The following GPC5 variants were observed in gnomAD, a reference collection of about 807,000 sequenced individuals.
GPC5 encodes the protein glypican-5.
In GPC5, 47 loss-of-function variants were observed where a neutral mutation model predicts 53.9. The ratio of observed to expected loss-of-function variants is 0.87; its 90% CI spans 0.69 to 1.11. GPC5 has a LOEUF of 1.11. Ranked by LOEUF, GPC5 falls within the 50% of genes most tolerant of loss-of-function variation. The pLI, the probability that GPC5 is intolerant of heterozygous loss-of-function variation, is 0.00. For synonymous variants in GPC5, 286 were observed against 263.3 expected, an observed-to-expected ratio of 1.09 and a Z score of -0.84; for missense variants, 748 against 713.1, an observed-to-expected ratio of 1.05 and a Z score of -0.56.
intron 6 of GPC5, among the ~76,000 whole-genome samples, chr13:91,917,582 C>T (rs1028091535): frequency 3.5e-4 from 54 of 152,202 alleles, no homozygotes; most frequent in Admixed American, 2.8e-3. Flanking sequence ...CCCTTCTGCA[C>T]TTTTCTGCTC....
chr13:91,871,949 C>T (rs1383141855), intron 5 of GPC5, among the ~76,000 whole-genome samples: 2 of 151,872 alleles, frequency 1.3e-5, no homozygotes, highest in South Asian at 2.1e-4. Context: ...CATAGGTCAC[C>T]GAAGGCAAAA....
chr13:91,601,961 G>A (rs2033194638), intron 2 of GPC5, among the ~76,000 whole-genome samples: 1 of 152,124 alleles, frequency 6.6e-6, no homozygotes, highest in Admixed American at 6.5e-5. Context: ...AGGGTGGCTG[G>A]GAAATGTATT....
intron 7 of GPC5, among the ~76,000 whole-genome samples, chr13:92,471,974 T>C (rs1878930904): frequency 6.6e-6 from 1 of 152,180 alleles, no homozygotes; most frequent in Admixed American, 6.6e-5. Context: ...TTAATCATTG[T>C]GTTCCTTTGG....
intron 7 of GPC5, among the ~76,000 whole-genome samples, chr13:92,684,010 A>C (rs1251975443): frequency 2.0e-5 from 3 of 152,136 alleles, no homozygotes; most frequent in African/African-American, 7.2e-5. Context: ...CCATCATGAC[A>C]ATATTACACA....
rs1212373882 is a variant in GPC5, at chr13:92,150,734, C to T, written c.1561+5745C>T. On this transcript the variant is annotated intron_variant, in intron 7 of 7. Transcript: ENST00000377067. ...AAGAGGGATGACTTATTAATTAAGG[C>T]TTAGAGGAGCCCTCCTAGCTTGCAT... 2.0e-5 allele frequency among the ~76,000 whole-genome samples: 3 copies of T among 151,926 alleles called. No individual in the cohort carries two copies. In the East Asian group the frequency reaches 5.8e-4, roughly 29 times the overall value.
intron 2 of GPC5, among the ~76,000 whole-genome samples, chr13:91,647,251 C>T (rs1191178136): frequency 6.6e-6 from 1 of 152,070 alleles, no homozygotes; most frequent in Non-Finnish European, 1.5e-5. Flanking sequence ...ATGCTGATTG[C>T]TTCATGGAAA....
chr13:91,535,929 TTAAA>T (rs763174105), intron 2 of GPC5, among the ~76,000 whole-genome samples: 25 of 152,328 alleles, frequency 1.6e-4, no homozygotes, highest in East Asian at 1.2e-3. Context: ...CATTGACATC[TTAAA>T]TAAATAGCTA....
chr13:91,878,092 G>A (rs2039224387), intron 5 of GPC5, among the ~76,000 whole-genome samples: 1 of 152,092 alleles, frequency 6.6e-6, no homozygotes. Context: ...AACTTCTTTT[G>A]CTTCCCAGTC....
chr13:92,357,665 T>C (rs1289824545), intron 7 of GPC5, among the ~76,000 whole-genome samples: 1 of 151,200 alleles, frequency 6.6e-6, no homozygotes, highest in Non-Finnish European at 1.5e-5. Flanking sequence ...GTTTGGGAGG[T>C]CTAAGGAAAC....
intron 5 of GPC5, among the ~76,000 whole-genome samples, chr13:91,864,901 C>CT (rs71705146): frequency 0.013 from 1,774 of 138,582 alleles, 23 homozygotes; most frequent in African/African-American, 0.029. Flanking sequence ...AATTTTCTTT[C>CT]TTTTTTTTTT....
chr13:92,398,643 C>G (rs975454060), intron 7 of GPC5, among the ~76,000 whole-genome samples: 1 of 152,108 alleles, frequency 6.6e-6, no homozygotes, highest in Non-Finnish European at 1.5e-5. Flanking sequence ...ACTCACTCCT[C>G]AAGTTAAATC....
At chr13:92,161,366 G>A (rs1325592016) in intron 7 of GPC5, among the ~76,000 whole-genome samples, 2 of 152,056 alleles carry the variant, frequency 1.3e-5, no homozygotes, top group Admixed American at 6.6e-5. Context: ...CAAACATGAG[G>A]CATTTAATGA....
intron 7 of GPC5, among the ~76,000 whole-genome samples, chr13:92,767,335 G>A (rs928644595): frequency 2.0e-5 from 3 of 152,072 alleles, no homozygotes; most frequent in African/African-American, 7.2e-5. Context: ...ATCATGCATG[G>A]TGGCATGCAC....
At chr13:91,598,588 G>A (rs1320143803) in intron 2 of GPC5, among the ~76,000 whole-genome samples, 1 of 151,776 alleles carries the variant, frequency 6.6e-6, no homozygotes, top group Non-Finnish European at 1.5e-5. Flanking sequence ...TTCTACCTTT[G>A]ATATGTTGTA....
chr13:92,752,575 T>C (rs1874614998), intron 7 of GPC5, among the ~76,000 whole-genome samples: 1 of 152,042 alleles, frequency 6.6e-6, no homozygotes, highest in Admixed American at 6.5e-5. Context: ...CCATCTGAGG[T>C]ACCGGGTTCA....
At position 91,920,944 on chromosome 13, in the gene GPC5, T is replaced by C. The variant is rs2139016836; in HGVS notation, c.1401+12887T>C. ...TCTCTCTCTTTTTTTTTTTTTTTTT[T>C]TTTTTTTTTTTGAGATAGAGTTTCT... On this transcript the variant is annotated intron_variant, in intron 6 of 7. Transcript: ENST00000377067. 1.4e-5 allele frequency among the ~76,000 whole-genome samples: 2 copies of C among 138,708 alleles called. 1 individual carries two copies. Among genetic ancestry groups the C allele is most frequent in the East Asian group, 4.1e-4 (2 of 4,840 alleles). The allele number at this position is 138,708 out of a possible 152,430, so 91.0% of individuals were successfully genotyped here.
chr13:92,009,699 T>C (rs1156634220), intron 6 of GPC5, among the ~76,000 whole-genome samples: 2 of 152,176 alleles, frequency 1.3e-5, no homozygotes, highest in Non-Finnish European at 2.9e-5. Context: ...ACCCAAATAA[T>C]TTCCTTTGTC....
intron 1 of GPC5, among the ~76,000 whole-genome samples, chr13:91,403,939 C>T (rs1424704092): frequency 1.3e-5 from 2 of 152,124 alleles, no homozygotes; most frequent in African/African-American, 4.8e-5. Context: ...ATATATGTCC[C>T]CATTCTCTCT....
intron 5 of GPC5, among the ~76,000 whole-genome samples, chr13:91,797,198 C>T (rs1388017185): frequency 1.3e-5 from 2 of 152,122 alleles, no homozygotes; most frequent in Non-Finnish European, 2.9e-5. Flanking sequence ...CTCCAGAATC[C>T]TCATTTTTAG....
Sources: gnomAD v4.1 joint callset for allele counts (sites outside exome capture counted in the v4.1 genomes callset) on GRCh38, gnomAD v4.1.1 for gene constraint, MANE v1.5 for transcripts, NCBI Gene and HGNC (gene_info 2026-07-23, HGNC 2026-07-21) for gene names.